Variants in DAGLA observed in about 807,000 individuals in gnomAD.
DAGLA encodes diacylglycerol lipase alpha.
In DAGLA, 22 loss-of-function variants were observed where a neutral mutation model predicts 102.6. The observed-to-expected ratio is 0.21, with a 90% CI of 0.15 to 0.31. The LOEUF (loss-of-function observed/expected upper bound fraction) is 0.31. Ranked by LOEUF, DAGLA falls within the 10% of genes least tolerant of loss-of-function variation. The pLI is 1.00. For missense variants in DAGLA, 927 were observed against 1,446.6 expected, an observed-to-expected ratio of 0.64 and a Z score of 5.83; for synonymous variants, 578 against 628.9, an observed-to-expected ratio of 0.92 and a Z score of 1.21.
At chr11:61,683,726 C>T (rs2064963437) in intron 1 of DAGLA, among the ~76,000 whole-genome samples, 1 of 152,062 alleles carries the variant, frequency 6.6e-6, no homozygotes, top group African/African-American at 2.4e-5. Flanking sequence ...GCCTCTGTTC[C>T]CCAAAAGGAG....
intron 1 of DAGLA, among the ~76,000 whole-genome samples, chr11:61,701,477 G>A (rs756633168): frequency 5.9e-5 from 9 of 152,232 alleles, no homozygotes; most frequent in Non-Finnish European, 1.2e-4. Flanking sequence ...TGGATTGTAC[G>A]AACCTGGAGG....
rs972331916 is a variant in DAGLA at position 61,696,094 on chromosome 11, G to A, written c.-45+15590G>A. ...TCCCCACCACCAGGCTTGCTCTCAG[G>A]GAGCAGGAAATGAGAGTGGGGGAGC... On this transcript the variant is annotated intron_variant, in intron 1 of 19. Coordinates refer to ENST00000257215, the MANE Select transcript of DAGLA (RefSeq NM_006133.3). Among the ~76,000 whole-genome samples the A allele has an allele frequency of 2.6e-5, 4 of 152,304 alleles. No individual in the cohort carries two copies. In the South Asian group the frequency reaches 8.3e-4, roughly 32 times the overall value.
chr11:61,718,008 G>A (rs946169155), intron 1 of DAGLA, among the ~76,000 whole-genome samples: 1 of 152,192 alleles, frequency 6.6e-6, no homozygotes, highest in Non-Finnish European at 1.5e-5. Flanking sequence ...TTGGGTGGAT[G>A]GTGTGTGATC....
chr11:61,735,487 G>T, intron 10 of DAGLA, 74 bp from the exon 11 acceptor site: 1 of 1,366,826 alleles, frequency 7.3e-7, no homozygotes, highest in East Asian at 2.3e-5. Context: ...CCAGGAAGGA[G>T]ACCTGCCTAG....
chr11:61,713,200 A>G (rs1184752319), intron 1 of DAGLA, among the ~76,000 whole-genome samples: 2 of 152,220 alleles, frequency 1.3e-5, no homozygotes, highest in African/African-American at 4.8e-5. Context: ...TCAGTCTGTA[A>G]GAAGAGGCTT....
chr11:61,681,553 G>C, intron 1 of DAGLA, among the ~76,000 whole-genome samples: 1 of 152,238 alleles, frequency 6.6e-6, no homozygotes, highest in South Asian at 2.1e-4. Flanking sequence ...ACGGGGTCCT[G>C]CCTTCTCCCT....
chr11:61,716,268 C>G (rs567550833), intron 1 of DAGLA, among the ~76,000 whole-genome samples: 1 of 152,202 alleles, frequency 6.6e-6, no homozygotes, highest in East Asian at 1.9e-4. Flanking sequence ...ACAGTGTGAC[C>G]AGGGCCATGC....
At chr11:61,697,638 A>G (rs1341832924) in intron 1 of DAGLA, among the ~76,000 whole-genome samples, 1 of 152,068 alleles carries the variant, frequency 6.6e-6, no homozygotes, top group African/African-American at 2.4e-5. Context: ...AGTGGCTCAG[A>G]GGTTCCTTCC....
chr11:61,692,839 G>A lies in DAGLA; in HGVS notation c.-45+12335G>A, dbSNP rs150703598. On this transcript the variant is annotated intron_variant, in intron 1 of 19. Transcript: ENST00000257215. ...TCCACAATAATGAGGAAAGATGGCGGTAGGAAAATGTTTAAGGAGAAGTGC... is the reference window on the plus strand; with the variant it reads ...TCCACAATAATGAGGAAAGATGGCGATAGGAAAATGTTTAAGGAGAAGTGC... 8.3e-3 allele frequency among the ~76,000 whole-genome samples: 1,262 copies of A among 151,864 alleles called. 4 individuals carry two copies. The highest frequency in any genetic ancestry group is 0.027 in the Middle Eastern group (8 of 294).
intron 1 of DAGLA, among the ~76,000 whole-genome samples, chr11:61,706,119 A>G (rs1250407071): frequency 1.3e-5 from 2 of 152,252 alleles, no homozygotes; most frequent in African/African-American, 4.8e-5. Flanking sequence ...TTCGAAGTAG[A>G]GTACACCCCA....
chr11:61,741,479 A>T, intron 19 of DAGLA, 130 bp downstream of exon 19: 1 of 1,028,894 alleles, frequency 9.7e-7, no homozygotes, highest in Non-Finnish European at 1.4e-6. Context: ...GGTCAAACTC[A>T]CCCTCTGTGC....
rs140212906 is a variant in DAGLA, at chr11:61,720,871, C to T, written c.288C>T (p.Tyr96=). 520 of 1,612,606 alleles carry T rather than the reference C, an allele frequency of 3.2e-4. 3 individuals carry two copies. In the South Asian group the frequency reaches 4.5e-3, roughly 14 times the overall value. Reference sequence around the variant, plus strand: ...CGGAGCCCCGTGACTCCATGCAGTACGTGCTCTACGTGCGCCTGGGTAAGG... The same window carrying T: ...CGGAGCCCCGTGACTCCATGCAGTATGTGCTCTACGTGCGCCTGGGTAAGG... ...LYTEPRDSMQ[Y]VLYVRLAILV... Residue 96 remains tyrosine, a synonymous_variant, in exon 3 of 20, where the codon TAC becomes TAT. Transcript: ENST00000257215.
Position 61,743,739 on chromosome 11 carries a change from C to T in DAGLA, c.2379C>T (p.Asp793=), listed in dbSNP as rs927741709. 2 of 1,611,828 alleles carry T rather than the reference C, an allele frequency of 1.2e-6. No homozygotes were observed. The highest frequency in any genetic ancestry group is 1.3e-5 in the African/African-American group (1 of 74,930). The change falls in exon 20 of 20, where the codon GAC becomes GAT. Residue 793 remains aspartate (D), a synonymous_variant. Coordinates refer to ENST00000257215, the MANE Select transcript of DAGLA (RefSeq NM_006133.3). ...ACACTGAGTCCCTGTACAGCTTCGA[C>T]TCGCGCCGCTCCTCAGGCTTCCGCA... ...LSDTESLYSF[D]SRRSSGFRSI...
chr11:61,688,342 A>G (rs956034449), intron 1 of DAGLA, among the ~76,000 whole-genome samples: 3 of 149,800 alleles, frequency 2.0e-5, no homozygotes, highest in Non-Finnish European at 3.0e-5. Context: ...AAGGATTAGG[A>G]TTGCTCGTAC....
At chr11:61,724,790 CA>C (rs1403991634) in intron 5 of DAGLA, among the ~76,000 whole-genome samples, 3 of 152,198 alleles carry the variant, frequency 2.0e-5, no homozygotes, top group Non-Finnish European at 4.4e-5. Flanking sequence ...CCTGCTTGGC[CA>C]GCACACTGTC....
At chr11:61,743,442 T>C (rs1268552059) in intron 19 of DAGLA, 90 bp from the exon 20 acceptor site, 27 of 952,662 alleles carry the variant, frequency 2.8e-5, no homozygotes, top group Non-Finnish European at 2.9e-5. Flanking sequence ...TACCCTTTAT[T>C]CCCTGCAAGT....
At chr11:61,708,893 C>T (rs571002742) in intron 1 of DAGLA, among the ~76,000 whole-genome samples, 1 of 152,342 alleles carries the variant, frequency 6.6e-6, no homozygotes, top group South Asian at 2.1e-4. Context: ...CTTCTGAGCC[C>T]CTGCCCCTTC....
chr11:61,711,131 A>AGACCACC (rs2065191597), intron 1 of DAGLA, among the ~76,000 whole-genome samples: 1 of 152,158 alleles, frequency 6.6e-6, no homozygotes, highest in Non-Finnish European at 1.5e-5. Context: ...CTGACCAAGA[A>AGACCACC]GACCACCGGG....
At chr11:61,719,964 G>A (rs1299741960) in intron 1 of DAGLA, 148 bp from the exon 2 acceptor site, 19 of 610,216 alleles carry the variant, frequency 3.1e-5, no homozygotes, top group African/African-American at 1.1e-4. Context: ...GCTCCTGCCC[G>A]GAGGTGGGTC....
Sources: allele counts gnomAD v4.1 joint callset (sites outside exome capture counted in the v4.1 genomes callset), GRCh38; gene constraint gnomAD v4.1.1; transcripts MANE v1.5; gene names NCBI Gene and HGNC (gene_info 2026-07-23, HGNC 2026-07-21).